The following KCNAB1 variants were observed in gnomAD, a reference collection of about 807,000 sequenced individuals.
KCNAB1 encodes the protein potassium voltage-gated channel subfamily A regulatory beta subunit 1.
Under a neutral mutation model 64.6 loss-of-function variants are expected in KCNAB1, and 35 were observed. The ratio of observed to expected loss-of-function variants is 0.54; its 90% CI spans 0.41 to 0.72. KCNAB1 has a LOEUF of 0.72. Ranked by LOEUF, KCNAB1 falls within the 30% of genes least tolerant of loss-of-function variation. The pLI is 0.00. For missense variants in KCNAB1, 401 were observed against 512.9 expected, an observed-to-expected ratio of 0.78 and a Z score of 2.11; for synonymous variants, 177 against 183.8, an observed-to-expected ratio of 0.96 and a Z score of 0.30.
chr3:156,422,396 G>T (rs940286325), intron 2 of KCNAB1, among the ~76,000 whole-genome samples: 8 of 152,328 alleles, frequency 5.3e-5, no homozygotes, highest in Middle Eastern at 3.4e-3. Flanking sequence ...AACTGAGGAA[G>T]TAGTGAGGAG....
intron 1 of KCNAB1, chr3:156,143,073 G>A (rs1357999933): frequency 2.1e-6 from 3 of 1,440,250 alleles, no homozygotes; most frequent in Non-Finnish European, 2.7e-6. Flanking sequence ...TAAACCTTTT[G>A]AGGGACATAC....
At position 156,172,562 on chromosome 3, in the gene KCNAB1, G is replaced by C. The variant is rs1344532618; in HGVS notation, c.275+51676G>C. ...TCCAAAATGCTGGGATTACAGGCGCGAGCCACCACATGCGGCTATCAAACG... is the reference window on the plus strand; with the variant it reads ...TCCAAAATGCTGGGATTACAGGCGCCAGCCACCACATGCGGCTATCAAACG... On this transcript the variant is annotated intron_variant, in intron 1 of 13. Coordinates refer to ENST00000490337, the MANE Select transcript of KCNAB1 (RefSeq NM_172160.3). Among the ~76,000 whole-genome samples the C allele has an allele frequency of 3.3e-5, 5 of 152,162 alleles. No homozygotes were observed. In the South Asian group the frequency reaches 6.2e-4, roughly 19 times the overall value.
At chr3:156,134,986 T>C (rs138948364) in intron 1 of KCNAB1, among the ~76,000 whole-genome samples, 3 of 152,120 alleles carry the variant, frequency 2.0e-5, no homozygotes, top group African/African-American at 7.2e-5. Flanking sequence ...TAAACAGATT[T>C]AGTTTTCTTT....
At chr3:156,433,650 G>T (rs765035624) in intron 2 of KCNAB1, among the ~76,000 whole-genome samples, 52 of 152,312 alleles carry the variant, frequency 3.4e-4, no homozygotes, top group Non-Finnish European at 4.6e-4. Flanking sequence ...CTCTTTTGGG[G>T]GAGTAGGGGA....
At chr3:156,235,031 C>T (rs369009729) in intron 1 of KCNAB1, among the ~76,000 whole-genome samples, 4 of 152,294 alleles carry the variant, frequency 2.6e-5, no homozygotes, top group Non-Finnish European at 5.9e-5. Context: ...TCAGATATAG[C>T]TGTGGTGAGG....
At chr3:156,346,020 A>C (rs1194301349) in intron 1 of KCNAB1, among the ~76,000 whole-genome samples, 8 of 152,066 alleles carry the variant, frequency 5.3e-5, no homozygotes, top group Admixed American at 3.9e-4. Flanking sequence ...AATATTTAGC[A>C]TTTACCTGAA....
intron 1 of KCNAB1, among the ~76,000 whole-genome samples, chr3:156,299,835 A>G (rs9866817): frequency 0.09 from 13,653 of 152,036 alleles, 1,906 homozygotes; most frequent in African/African-American, 0.3. Flanking sequence ...TGCAGCAACT[A>G]CTTGTAAAGG....
chr3:156,441,961 T>A (rs1172234799), intron 2 of KCNAB1, among the ~76,000 whole-genome samples: 3 of 152,220 alleles, frequency 2.0e-5, no homozygotes, highest in Non-Finnish European at 4.4e-5. Context: ...GAATATTTTT[T>A]AAATAAATTT....
intron 7 of KCNAB1, among the ~76,000 whole-genome samples, chr3:156,471,624 C>T (rs1489137085): frequency 1.3e-5 from 2 of 152,184 alleles, no homozygotes; most frequent in Non-Finnish European, 2.9e-5. Context: ...CCTTCTGGAG[C>T]CAAGGTTAAT....
intron 1 of KCNAB1, among the ~76,000 whole-genome samples, chr3:156,297,728 T>G: frequency 6.6e-6 from 1 of 152,084 alleles, no homozygotes; most frequent in East Asian, 1.9e-4. Flanking sequence ...AGATCAATCT[T>G]GTCAGCCAAT....
intron 1 of KCNAB1, among the ~76,000 whole-genome samples, chr3:156,235,780 C>A (rs559153522): frequency 9.9e-5 from 15 of 152,166 alleles, no homozygotes; most frequent in Non-Finnish European, 1.6e-4. Flanking sequence ...TCTGGAGGGA[C>A]AATCCTTGAA....
chr3:156,291,154 C>A (rs764323629), intron 1 of KCNAB1: 281 of 985,406 alleles, frequency 2.9e-4, no homozygotes, highest in Non-Finnish European at 3.2e-4. Context: ...TTTGCCTTCC[C>A]ATCGCACACA....
At chr3:156,422,019 T>A (rs1303766365) in intron 2 of KCNAB1, among the ~76,000 whole-genome samples, 1 of 152,232 alleles carries the variant, frequency 6.6e-6, no homozygotes, top group East Asian at 1.9e-4. Flanking sequence ...TTTTTCTATC[T>A]ATCCTTGTTT....
At chr3:156,312,203 A>G (rs1721955912) in intron 1 of KCNAB1, among the ~76,000 whole-genome samples, 2 of 152,232 alleles carry the variant, frequency 1.3e-5, no homozygotes, top group South Asian at 4.1e-4. Flanking sequence ...TGAGTAAAAT[A>G]GGCGACAGGT....
chr3:156,490,389 A>G (rs1047018986), intron 8 of KCNAB1, among the ~76,000 whole-genome samples: 3 of 152,138 alleles, frequency 2.0e-5, no homozygotes, highest in African/African-American at 7.2e-5. Flanking sequence ...ACATTCAAAG[A>G]AAGTCTCTAA....
chr3:156,126,611 G>A (rs977668065), intron 1 of KCNAB1, among the ~76,000 whole-genome samples: 3 of 152,334 alleles, frequency 2.0e-5, no homozygotes, highest in African/African-American at 7.2e-5. Flanking sequence ...TGGCCTGCAG[G>A]CTGCATCTCA....
chr3:156,290,370 G>A (rs1299878212), intron 1 of KCNAB1, among the ~76,000 whole-genome samples: 1 of 152,166 alleles, frequency 6.6e-6, no homozygotes, highest in Non-Finnish European at 1.5e-5. Flanking sequence ...CTTGACAGCA[G>A]TATCTGTTGG....
At chr3:156,433,434 A>G (rs1044140519) in intron 2 of KCNAB1, among the ~76,000 whole-genome samples, 3 of 152,236 alleles carry the variant, frequency 2.0e-5, no homozygotes, top group African/African-American at 7.2e-5. Flanking sequence ...AGCGTCATGG[A>G]AACATGTACA....
intron 1 of KCNAB1, among the ~76,000 whole-genome samples, chr3:156,339,803 A>G (rs1362992097): frequency 6.6e-6 from 1 of 152,130 alleles, no homozygotes; most frequent in Non-Finnish European, 1.5e-5. Context: ...TCCAGGGATA[A>G]TGACCCCACT....
Sources: allele counts gnomAD v4.1 joint callset (sites outside exome capture counted in the v4.1 genomes callset), GRCh38; gene constraint gnomAD v4.1.1; transcripts MANE v1.5; gene names NCBI Gene and HGNC (gene_info 2026-07-23, HGNC 2026-07-21).